The following KCNK2 variants were observed in gnomAD, a reference collection of about 807,000 sequenced individuals.
KCNK2 encodes potassium two pore domain channel subfamily K member 2.
A neutral mutation model predicts 40.5 loss-of-function variants in KCNK2; 21 were observed. The observed-to-expected ratio is 0.52, with a 90% confidence interval of 0.37 to 0.75. KCNK2 has a LOEUF of 0.75. Ranked by LOEUF, KCNK2 falls within the 30% of genes least tolerant of loss-of-function variation. The pLI is 0.00. For missense variants in KCNK2, 399 were observed against 531.6 expected, an observed-to-expected ratio of 0.75 and a Z score of 2.45; for synonymous variants, 191 against 202.2, an observed-to-expected ratio of 0.94 and a Z score of 0.47.
chr1:215,045,376 A>G (rs1199132001), intron 1 of KCNK2, among the ~76,000 whole-genome samples: 1 of 152,200 alleles, frequency 6.6e-6, no homozygotes, highest in Non-Finnish European at 1.5e-5. Context: ...GGGTCTTTGT[A>G]CTATTAATTA....
At chr1:215,206,199 C>T (rs779326726) in intron 6 of KCNK2, among the ~76,000 whole-genome samples, 27 of 151,904 alleles carry the variant, frequency 1.8e-4, no homozygotes, top group Non-Finnish European at 3.5e-4. Context: ...GATGCTGAAT[C>T]GGTTTTGTAT....
At position 215,235,445 on chromosome 1, in the gene KCNK2, GA is replaced by G. The variant is rs560831036; in HGVS notation, c.*302del. On this transcript the variant is annotated 3_prime_UTR_variant, in exon 7 of 7. Coordinates refer to ENST00000444842, the MANE Select transcript of KCNK2 (RefSeq NM_001017425.3). ...TTCCCTAATGTGCCATAAGGCCTCAGAATGAATGAGAATTGTTTCTGGTAAC... is the reference window on the plus strand; with the variant it reads ...TTCCCTAATGTGCCATAAGGCCTCAGATGAATGAGAATTGTTTCTGGTAAC... 178 of 283,576 alleles carry G rather than the reference GA, an allele frequency of 6.3e-4. No homozygotes were observed. Among genetic ancestry groups the G allele is most frequent in the African/African-American group, 3.6e-3 (168 of 46,886 alleles). The allele number at this position is 283,576 out of a possible 1,614,324, so 17.6% of individuals were successfully genotyped here.
At chr1:215,120,260 G>A (rs1001564489) in intron 2 of KCNK2, among the ~76,000 whole-genome samples, 2 of 152,106 alleles carry the variant, frequency 1.3e-5, no homozygotes, top group Non-Finnish European at 2.9e-5. Context: ...TAAAATCATA[G>A]TGCTGGTTAT....
In KCNK2 at chr1:215,169,347, A is replaced by C; in HGVS notation, c.624A>C (p.Glu208Asp). Residue 208 changes from glutamate to aspartate, a missense_variant, in exon 4 of 7, where the codon GAA (glutamate) becomes GAC (aspartate). This residue lies in a region of KCNK2 where 279 missense variants were observed against 353.8 expected (regional missense o/e 0.79). Coordinates refer to ENST00000444842, the MANE Select transcript of KCNK2 (RefSeq NM_001017425.3). ...TIFGKGIAKV[E>D]DTFIKWNVSQ... ...TTGGAAAAGGAATTGCCAAAGTGGA[A>C]GATACGTTTATTGTGAGTATGATAG... 2 of 1,610,386 alleles carry C rather than the reference A, an allele frequency of 1.2e-6. No individual in the cohort carries two copies. Among genetic ancestry groups the C allele is most frequent in the Non-Finnish European group, 1.7e-6 (2 of 1,177,806 alleles).
chr1:215,104,130 C>T lies in KCNK2; in HGVS notation c.357+17452C>T, dbSNP rs942360853. On this transcript the variant is annotated intron_variant, in intron 2 of 6. Coordinates refer to ENST00000444842, the MANE Select transcript of KCNK2 (RefSeq NM_001017425.3). ...TTTTGAATTAATTGCATGTAACATT[C>T]AAAGGCATAAACTCATGGAATTTGG... Among the ~76,000 whole-genome samples, 4 of 152,008 alleles carry T rather than the reference C, an allele frequency of 2.6e-5. No homozygotes were observed. The East Asian group carries it at 5.8e-4, about 22-fold the overall frequency.
chr1:215,057,700 G>T (rs1658218074), intron 1 of KCNK2, among the ~76,000 whole-genome samples: 1 of 152,096 alleles, frequency 6.6e-6, no homozygotes, highest in Admixed American at 6.6e-5. Context: ...GGGAGAGAAA[G>T]GGCAGTGCAG....
chr1:215,047,130 A>G (rs11120474), intron 1 of KCNK2, among the ~76,000 whole-genome samples: 2,037 of 152,228 alleles, frequency 0.013, 45 homozygotes, highest in African/African-American at 0.046. Context: ...TTTAACTTGC[A>G]GAAAATTAAA....
At chr1:215,199,416 G>A (rs1664993887) in intron 6 of KCNK2, among the ~76,000 whole-genome samples, 1 of 152,174 alleles carries the variant, frequency 6.6e-6, no homozygotes, top group African/African-American at 2.4e-5. Context: ...AATAAAACAT[G>A]GTATAGCTAA....
At chr1:215,231,725 G>C (rs1373245495) in intron 6 of KCNK2, among the ~76,000 whole-genome samples, 1 of 152,106 alleles carries the variant, frequency 6.6e-6, no homozygotes, top group African/African-American at 2.4e-5. Flanking sequence ...TTCTCATACT[G>C]CTAGTAAAGA....
chr1:215,218,632 C>A (rs958957720), intron 6 of KCNK2, among the ~76,000 whole-genome samples: 3 of 152,172 alleles, frequency 2.0e-5, no homozygotes, highest in Non-Finnish European at 1.5e-5. Context: ...ATGCATGCTT[C>A]GCTATCTCCA....
intron 3 of KCNK2, among the ~76,000 whole-genome samples, chr1:215,129,513 G>A (rs1661574937): frequency 6.6e-6 from 1 of 152,154 alleles, no homozygotes; most frequent in Non-Finnish European, 1.5e-5. Flanking sequence ...TAAAGAGGCT[G>A]ATTCAAGAAC....
At chr1:215,114,200 A>G (rs574408297) in intron 2 of KCNK2, among the ~76,000 whole-genome samples, 41 of 152,240 alleles carry the variant, frequency 2.7e-4, no homozygotes, top group Non-Finnish European at 4.7e-4. Context: ...CTTCCCTTTC[A>G]TAGGGTGCTG....
In KCNK2 at chr1:215,042,493, G is replaced by C. The variant is rs562245527; in HGVS notation, c.34+36538G>C. ...TTTGTGGAAACAAAGAACATATTCT[G>C]GTCCAAATAAAATATTGAGAAAGGG... is the stretch of plus-strand genomic sequence containing the variant. On this transcript the variant is annotated intron_variant, in intron 1 of 6. Coordinates refer to the KCNK2 transcript ENST00000391895. Among the ~76,000 whole-genome samples the C allele has an allele frequency of 2.4e-4, 37 of 152,182 alleles. No homozygotes were observed. In the South Asian group the frequency reaches 6.0e-3, roughly 25 times the overall value.
chr1:215,025,535 C>T (rs1356792996), intron 1 of KCNK2, among the ~76,000 whole-genome samples: 1 of 151,988 alleles, frequency 6.6e-6, no homozygotes, highest in East Asian at 1.9e-4. Flanking sequence ...TATTATTCTG[C>T]ATTATTTCAA....
intron 5 of KCNK2, among the ~76,000 whole-genome samples, chr1:215,176,660 A>G (rs910307210): frequency 6.6e-6 from 1 of 152,170 alleles, no homozygotes; most frequent in Non-Finnish European, 1.5e-5. Context: ...CCTGTAAAGG[A>G]CATCATCCCA....
At chr1:215,234,749 A>C (rs548470328) in intron 6 of KCNK2, 79 bp from the exon 7 acceptor site, 2 of 1,338,720 alleles carry the variant, frequency 1.5e-6, no homozygotes, top group Non-Finnish European at 2.1e-6. Context: ...TCCCAAAATA[A>C]AATGAACTGA....
chr1:215,155,810 C>T (rs938555443), intron 3 of KCNK2, among the ~76,000 whole-genome samples: 4 of 152,108 alleles, frequency 2.6e-5, no homozygotes, highest in Admixed American at 2.0e-4. Context: ...TGAACCACCA[C>T]GCCAGGCCGA....
At chr1:215,178,503 A>T (rs1664087772) in intron 5 of KCNK2, among the ~76,000 whole-genome samples, 1 of 152,116 alleles carries the variant, frequency 6.6e-6, no homozygotes, top group Admixed American at 6.6e-5. Context: ...TTTGCCATAG[A>T]TGGCTCTTAT....
intron 2 of KCNK2, among the ~76,000 whole-genome samples, chr1:215,107,696 T>A (rs549644054): frequency 4.6e-5 from 7 of 152,220 alleles, no homozygotes; most frequent in African/African-American, 1.7e-4. Context: ...AGTTATTTGT[T>A]TTTTTTTCTA....
Sources: gnomAD v4.1 joint callset for allele counts (sites outside exome capture counted in the v4.1 genomes callset) on GRCh38, gnomAD v4.1.1 for gene constraint, gnomAD v4.1.1 regional missense constraint, MANE v1.5 for transcripts, NCBI Gene and HGNC (gene_info 2026-07-23, HGNC 2026-07-21) for gene names.